The following TBC1D5 variants were observed in gnomAD, a reference collection of about 807,000 sequenced individuals.
TBC1D5 encodes TBC1 domain family member 5, also known as TBC1 domain family, member 5.
In TBC1D5, 75 loss-of-function variants were observed where a neutral mutation model predicts 100.3. That is an observed-to-expected ratio of 0.75 (90% CI 0.62 to 0.91). The LOEUF (loss-of-function observed/expected upper bound fraction) is 0.91, where lower values mean the gene tolerates loss of function less well. Among genes scored for constraint, TBC1D5 ranks in the 40% least tolerant of loss-of-function variants. TBC1D5 has a pLI of 0.00. For synonymous variants in TBC1D5, 323 were observed against 325.6 expected (o/e 0.99, Z 0.09); for missense variants, 910 against 942.4 (o/e 0.97, Z 0.45).
intron 3 of TBC1D5, among the ~76,000 whole-genome samples, chr3:17,482,406 T>A (rs774309604): frequency 3.0e-4 from 46 of 152,370 alleles, no homozygotes; most frequent in Non-Finnish European, 4.8e-4. Context: ...GTATGCAATT[T>A]ATCAAGAAAT....
chr3:17,665,920 T>C (rs564588035), intron 1 of TBC1D5, among the ~76,000 whole-genome samples: 1 of 152,314 alleles, frequency 6.6e-6, no homozygotes, highest in South Asian at 2.1e-4. Flanking sequence ...TGTGACCCTT[T>C]AGACACTCCA....
chr3:17,454,431 C>CA (rs1199152574), intron 3 of TBC1D5, among the ~76,000 whole-genome samples: 1 of 152,042 alleles, frequency 6.6e-6, no homozygotes, highest in African/African-American at 2.4e-5. Flanking sequence ...TTGCAGGATA[C>CA]AAAATCAACA....
intron 3 of TBC1D5, among the ~76,000 whole-genome samples, chr3:17,458,791 C>T (rs2095144185): frequency 1.3e-5 from 2 of 152,164 alleles, no homozygotes; most frequent in Non-Finnish European, 2.9e-5. Context: ...TGATCAGAAA[C>T]CGTAAGTCAT....
intron 2 of TBC1D5, among the ~76,000 whole-genome samples, chr3:17,585,157 A>G (rs1322846504): frequency 6.6e-6 from 1 of 152,196 alleles, no homozygotes; most frequent in Non-Finnish European, 1.5e-5. Context: ...AATAAAAAAT[A>G]TTATTTTTAT....
chr3:17,178,066 C>CTT (rs34673889), intron 19 of TBC1D5, among the ~76,000 whole-genome samples: 52,439 of 129,914 alleles, frequency 0.4, 11,578 homozygotes, highest in Middle Eastern at 0.46. Flanking sequence ...AATAGTGCTC[C>CTT]TTTTTTTTTT....
At chr3:17,257,456 A>G (rs1411493030) in intron 16 of TBC1D5, among the ~76,000 whole-genome samples, 3 of 152,176 alleles carry the variant, frequency 2.0e-5, no homozygotes, top group Non-Finnish European at 4.4e-5. Context: ...TTTGTGTAAC[A>G]AGACTCAGAT....
chr3:17,245,856 C>T (rs1407111259), intron 16 of TBC1D5, among the ~76,000 whole-genome samples: 1 of 152,076 alleles, frequency 6.6e-6, no homozygotes, highest in Non-Finnish European at 1.5e-5. Flanking sequence ...TCACCTGTAT[C>T]TGAGGGATAT....
intron 3 of TBC1D5, among the ~76,000 whole-genome samples, chr3:17,442,838 A>G (rs1397216530): frequency 6.6e-6 from 1 of 151,644 alleles, no homozygotes; most frequent in Admixed American, 6.6e-5. Context: ...GAACAGCAGG[A>G]GAGTTGGTAA....
chr3:17,474,296 A>G (rs78108845), intron 3 of TBC1D5, among the ~76,000 whole-genome samples: 3,445 of 152,260 alleles, frequency 0.023, 58 homozygotes, highest in Non-Finnish European at 0.034. Flanking sequence ...TGAGTTATAA[A>G]CTTAACTGAG....
chr3:17,195,043 C>T (rs1322599721), intron 18 of TBC1D5, among the ~76,000 whole-genome samples: 1 of 152,156 alleles, frequency 6.6e-6, no homozygotes, highest in African/African-American at 2.4e-5. Flanking sequence ...TTACAAACCT[C>T]ATTATTTGCA....
chr3:17,163,519 G>GTCTT (rs1192762190), intron 21 of TBC1D5, among the ~76,000 whole-genome samples: 2 of 152,176 alleles, frequency 1.3e-5, no homozygotes, highest in Non-Finnish European at 2.9e-5. Flanking sequence ...ATACAGGTAA[G>GTCTT]TCTTACACAA....
At chr3:17,676,983 C>T (rs968025274) in intron 1 of TBC1D5, among the ~76,000 whole-genome samples, 24 of 152,130 alleles carry the variant, frequency 1.6e-4, no homozygotes, top group Admixed American at 6.5e-4. Context: ...CTTCCTTACA[C>T]CTTATACAAA....
intron 3 of TBC1D5, among the ~76,000 whole-genome samples, chr3:17,489,811 T>C (rs756427399): frequency 6.6e-6 from 1 of 152,232 alleles, no homozygotes; most frequent in African/African-American, 2.4e-5. Context: ...AGTGCTGCAA[T>C]GAACATATGT....
At chr3:17,276,119 A>G (rs1490586930) in intron 15 of TBC1D5, among the ~76,000 whole-genome samples, 1 of 152,184 alleles carries the variant, frequency 6.6e-6, no homozygotes, top group Non-Finnish European at 1.5e-5. Flanking sequence ...ATTTCTCACA[A>G]TTCCAGGATA....
intron 13 of TBC1D5, among the ~76,000 whole-genome samples, chr3:17,357,843 A>C (rs1427944964): frequency 6.6e-6 from 1 of 152,238 alleles, no homozygotes; most frequent in Non-Finnish European, 1.5e-5. Context: ...TGAAGAGTTC[A>C]GCAACTGAAA....
chr3:17,729,016 TAAAAAAA>T (rs34461809), intron 1 of TBC1D5, among the ~76,000 whole-genome samples: 1 of 29,604 alleles, frequency 3.4e-5, no homozygotes, highest in Non-Finnish European at 6.8e-5. Flanking sequence ...TGAAAATCAG[TAAAAAAA>T]AAAAAAAAAA....
rs527405822 is a variant in TBC1D5 at position 17,344,282 on chromosome 3, A to T, written c.995+27793T>A. On this transcript the variant is annotated intron_variant, in intron 13 of 21. Coordinates refer to ENST00000253692, the Ensembl canonical transcript of TBC1D5. ...TCTTATACACCAACAACAGACAAAC[A>T]GAGAGCCAAATCATGAGTGAACTCC... Among the ~76,000 whole-genome samples, 741 of 152,264 alleles carry T rather than the reference A, an allele frequency of 4.9e-3. 6 individuals are homozygous for T. Among genetic ancestry groups the T allele is most frequent in the African/African-American group, 0.017 (711 of 41,542 alleles).
intron 17 of TBC1D5, among the ~76,000 whole-genome samples, chr3:17,230,637 T>C (rs1005181199): frequency 2.6e-5 from 4 of 152,196 alleles, no homozygotes; most frequent in African/African-American, 9.6e-5. Context: ...TATAGATATC[T>C]GTGCGTATGT....
chr3:17,576,784 C>T (rs537328480), intron 2 of TBC1D5, among the ~76,000 whole-genome samples: 1 of 152,070 alleles, frequency 6.6e-6, no homozygotes, highest in Non-Finnish European at 1.5e-5. Context: ...AATTCCACTA[C>T]AGAAATTTCA....
Sources: gnomAD v4.1 joint callset for allele counts (sites outside exome capture counted in the v4.1 genomes callset) on GRCh38, gnomAD v4.1.1 for gene constraint, MANE v1.5 for transcripts, NCBI Gene and HGNC (gene_info 2026-07-23, HGNC 2026-07-21) for gene names.